The following TRAPPC9 variants were observed in gnomAD, a reference collection of about 807,000 sequenced individuals.
TRAPPC9 encodes trafficking protein particle complex subunit 9.
In TRAPPC9, 83 loss-of-function variants were observed where a neutral mutation model predicts 124.0. That is an observed-to-expected ratio of 0.67 (90% CI 0.56 to 0.80). TRAPPC9 has a LOEUF of 0.80. Among genes scored for constraint, TRAPPC9 ranks in the 30% least tolerant of loss-of-function variants. The pLI is 0.00. For synonymous variants in TRAPPC9, 638 were observed against 617.5 expected (o/e 1.03, Z -0.49); for missense variants, 1,302 against 1,508.3 (o/e 0.86, Z 2.27).
At chr8:140,060,655 T>A (rs536376084) in intron 17 of TRAPPC9, among the ~76,000 whole-genome samples, 1 of 139,128 alleles carries the variant, frequency 7.2e-6, no homozygotes, top group East Asian at 2.5e-4. Context: ...CACTACCGAA[T>A]TGGCTTCTCT....
Position 140,241,797 on chromosome 8 carries a change from C to G in TRAPPC9, c.2431+10980G>C, listed in dbSNP as rs2063861655. 1.3e-5 allele frequency among the ~76,000 whole-genome samples: 2 copies of G among 152,228 alleles called. No individual in the cohort carries two copies. The highest frequency in any genetic ancestry group is 4.1e-4 in the South Asian group (2 of 4,836). On this transcript the variant is annotated intron_variant, in intron 16 of 22. Coordinates refer to ENST00000438773, the MANE Select transcript of TRAPPC9 (RefSeq NM_001160372.4). This position sits in a 1 kb window ranked among gnomAD's most constrained non-coding sequence, Gnocchi z 5.0. Reference sequence around the variant, plus strand: ...GCCAGACAGCTCTCCCGTCTCTGAACTCAGGGTGTGGAACACTCGGCAGCC... The same window carrying G: ...GCCAGACAGCTCTCCCGTCTCTGAAGTCAGGGTGTGGAACACTCGGCAGCC...
intron 17 of TRAPPC9, among the ~76,000 whole-genome samples, chr8:140,113,115 G>C (rs1223014395): frequency 6.6e-6 from 1 of 152,236 alleles, no homozygotes; most frequent in African/African-American, 2.4e-5. Flanking sequence ...AATATGTCTA[G>C]TATTATGTGG....
intron 19 of TRAPPC9, among the ~76,000 whole-genome samples, chr8:139,930,796 C>G (rs535590514): frequency 2.0e-5 from 3 of 152,188 alleles, no homozygotes; most frequent in Non-Finnish European, 4.4e-5. Flanking sequence ...TCTGAGGAGA[C>G]GCTCAAAACA....
intron 17 of TRAPPC9, among the ~76,000 whole-genome samples, chr8:140,042,560 C>T (rs1484613860): frequency 6.6e-6 from 1 of 152,138 alleles, no homozygotes; most frequent in Non-Finnish European, 1.5e-5. Context: ...GGCCAAGGTC[C>T]CAGAGTTTAC....
Position 140,077,045 on chromosome 8 carries a change from A to G in TRAPPC9, c.2557-52966T>C, listed in dbSNP as rs144840835. On this transcript the variant is annotated intron_variant, in intron 17 of 22. Transcript: ENST00000438773. ...GCTGCGCATGGTAGCACACACCTGT[A>G]GTCCCAGCCACTCGGGAGGCTGAGG... 4.7e-4 allele frequency among the ~76,000 whole-genome samples: 71 copies of G among 152,252 alleles called. 1 individual carries two copies. The highest frequency in any genetic ancestry group is 1.7e-3 in the African/African-American group (69 of 41,536).
chr8:139,994,094 A>T (rs1050098992), intron 18 of TRAPPC9, among the ~76,000 whole-genome samples: 1 of 152,226 alleles, frequency 6.6e-6, no homozygotes, highest in African/African-American at 2.4e-5. Flanking sequence ...ATTTAGACTA[A>T]TGTGTTAGCC....
chr8:140,399,609 T>C (rs187362561), intron 6 of TRAPPC9, among the ~76,000 whole-genome samples: 20 of 152,328 alleles, frequency 1.3e-4, no homozygotes, highest in African/African-American at 4.1e-4. Context: ...TTTGGAATGG[T>C]TGTATTTACC....
chr8:140,142,425 G>A (rs1391595141), intron 17 of TRAPPC9, among the ~76,000 whole-genome samples: 4 of 152,254 alleles, frequency 2.6e-5, no homozygotes, highest in African/African-American at 9.6e-5. Flanking sequence ...GTGTGGGCCG[G>A]CACCGCAGCA....
intron 10 of TRAPPC9, among the ~76,000 whole-genome samples, chr8:140,309,945 C>A (rs1025469140): frequency 6.6e-6 from 1 of 152,218 alleles, no homozygotes; most frequent in East Asian, 1.9e-4. Context: ...TGAACAATCT[C>A]AGCAGTGCTC....
At chr8:140,072,900 T>C (rs1241279166) in intron 17 of TRAPPC9, among the ~76,000 whole-genome samples, 1 of 152,126 alleles carries the variant, frequency 6.6e-6, no homozygotes, top group African/African-American at 2.4e-5. Flanking sequence ...AACAAAAGGC[T>C]TGAACAGACA....
intron 18 of TRAPPC9, among the ~76,000 whole-genome samples, chr8:140,000,948 C>G (rs1838350329): frequency 2.0e-5 from 3 of 152,164 alleles, no homozygotes; most frequent in African/African-American, 7.2e-5. Context: ...TTTACTGCAG[C>G]ACTATTCACA....
chr8:140,113,083 G>A (rs549338813), intron 17 of TRAPPC9, among the ~76,000 whole-genome samples: 2 of 152,332 alleles, frequency 1.3e-5, no homozygotes, highest in East Asian at 3.9e-4. Context: ...TGAGAGAGCA[G>A]TTGGGAATTT....
At chr8:139,959,784 C>A (rs1033610274) in intron 19 of TRAPPC9, among the ~76,000 whole-genome samples, 6 of 152,312 alleles carry the variant, frequency 3.9e-5, no homozygotes, top group Admixed American at 6.5e-5. Context: ...CCTGTGATAT[C>A]ATCCTAGCAG....
Position 140,101,532 on chromosome 8 carries a change from C to CTTTTTTTTTT in TRAPPC9, c.2557-77454_2557-77453insAAAAAAAAAA, listed in dbSNP as rs1234280796. Among the ~76,000 whole-genome samples, 16 of 78,720 alleles carry CTTTTTTTTTT rather than the reference C, an allele frequency of 2.0e-4. 1 individual carries two copies. The highest frequency in any genetic ancestry group is 9.1e-4 in the East Asian group (2 of 2,206). 51.6% of individuals were successfully genotyped at this position (78,720 alleles called of 152,430 possible). A position where few individuals can be genotyped will look rare whatever the true frequency, so the allele number is the denominator to read the frequency against. ...ACTTGGGTTGGTTTTGTAGGGTTTT[C>CTTTTTTTTTT]TTTTTTTTGTTTTTTTTTTTTTTTT... On this transcript the variant is annotated intron_variant, in intron 17 of 22. Transcript: ENST00000438773.
intron 17 of TRAPPC9, among the ~76,000 whole-genome samples, chr8:140,197,276 G>A (rs904470614): frequency 6.6e-6 from 1 of 152,212 alleles, no homozygotes; most frequent in Non-Finnish European, 1.5e-5. Context: ...CTTTGGAATT[G>A]AGAACCCTAA....
chr8:140,265,261 A>G (rs1332265112), intron 15 of TRAPPC9, among the ~76,000 whole-genome samples: 2 of 152,198 alleles, frequency 1.3e-5, no homozygotes, highest in African/African-American at 4.8e-5. Flanking sequence ...ACTATTTCCA[A>G]GCATAAGGTA....
intron 21 of TRAPPC9, among the ~76,000 whole-genome samples, chr8:139,831,761 G>A (rs1227884826): frequency 1.3e-5 from 2 of 152,208 alleles, no homozygotes; most frequent in African/African-American, 2.4e-5. Flanking sequence ...CGCAGTGAAA[G>A]TGTTACTCTC....
intron 17 of TRAPPC9, among the ~76,000 whole-genome samples, chr8:140,064,157 A>G (rs1269558568): frequency 1.3e-5 from 2 of 152,226 alleles, no homozygotes; most frequent in African/African-American, 4.8e-5. Flanking sequence ...CTTGGCAGGA[A>G]TAACAAATTT....
chr8:140,333,986 C>T (rs1352179860), intron 9 of TRAPPC9, among the ~76,000 whole-genome samples: 2 of 152,160 alleles, frequency 1.3e-5, no homozygotes, highest in African/African-American at 2.4e-5. Flanking sequence ...TTACATATGC[C>T]TTACTAAATG....
Sources: allele counts gnomAD v4.1 joint callset (sites outside exome capture counted in the v4.1 genomes callset), GRCh38; gene constraint gnomAD v4.1.1; non-coding constraint Gnocchi (gnomAD v3.1); transcripts MANE v1.5; gene names NCBI Gene and HGNC (gene_info 2026-07-23, HGNC 2026-07-21).